The following ZNF365 variants were observed in gnomAD, a reference collection of about 807,000 sequenced individuals.
ZNF365 encodes zinc finger protein 365.
ZNF365 carries 22 observed loss-of-function variants against 35.0 expected under a neutral mutation model. The observed-to-expected ratio is 0.63, with a 90% CI of 0.45 to 0.90. The LOEUF (loss-of-function observed/expected upper bound fraction) is 0.90. Ranked by LOEUF, ZNF365 falls within the 40% of genes least tolerant of loss-of-function variation. The pLI, the probability that ZNF365 is intolerant of heterozygous loss-of-function variation, is 0.00. For synonymous variants in ZNF365, 188 were observed against 196.2 expected, an observed-to-expected ratio of 0.96 and a Z score of 0.35; for missense variants, 448 against 500.3, an observed-to-expected ratio of 0.90 and a Z score of 1.00.
At chr10:62,379,380 A>T (rs867453994) in intron 2 of ZNF365, among the ~76,000 whole-genome samples, 5 of 152,184 alleles carry the variant, frequency 3.3e-5, no homozygotes, top group African/African-American at 9.7e-5. Flanking sequence ...ATGATATTTT[A>T]AAAAAAGAAA....
chr10:62,399,857 A>G lies in ZNF365; in HGVS notation c.*68A>G. ...AACGTTGTTCCAGGAGCCAACAGTA[A>G]TGTCTTTCTGGAAACATTCCATAGT... is the stretch of plus-strand genomic sequence containing the variant. On this transcript the variant is annotated 3_prime_UTR_variant, in exon 5 of 5. Coordinates refer to ENST00000395254, the MANE Select transcript of ZNF365 (RefSeq NM_014951.3). The G allele has an allele frequency of 6.6e-7, 1 of 1,512,170 alleles. No individual in the cohort carries two copies. Among genetic ancestry groups the G allele is most frequent in the Non-Finnish European group, 8.9e-7 (1 of 1,128,986 alleles). 93.7% of individuals were successfully genotyped at this position (1,512,170 alleles called of 1,614,324 possible).
At chr10:62,471,007 TA>T (rs773906157) in intron 4 of ZNF365, among the ~76,000 whole-genome samples, 33 of 151,976 alleles carry the variant, frequency 2.2e-4, no homozygotes, top group Non-Finnish European at 4.1e-4. Context: ...TTTTTTACTT[TA>T]AAAATGTTTA....
intron 3 of ZNF365, among the ~76,000 whole-genome samples, chr10:62,394,901 G>A (rs950043068): frequency 6.6e-6 from 1 of 151,086 alleles, no homozygotes; most frequent in Non-Finnish European, 1.5e-5. Context: ...GGGAGATGAG[G>A]ATCTACACTG....
At chr10:62,387,262 G>C (rs1301224837) in intron 2 of ZNF365, among the ~76,000 whole-genome samples, 7 of 152,090 alleles carry the variant, frequency 4.6e-5, no homozygotes, top group African/African-American at 9.7e-5. Flanking sequence ...ATTGAGAGTT[G>C]AGAGCAAGGT....
rs1353002339 is a variant in ZNF365 at position 62,374,447 on chromosome 10, GCAA to G, written c.-21_-19del. 2.1e-5 allele frequency: 3 copies of G among 144,532 alleles called. No homozygotes were observed. The highest frequency in any genetic ancestry group is 1.5e-5 in the Non-Finnish European group (1 of 64,822). 9.0% of individuals were successfully genotyped at this position (144,532 alleles called of 1,614,324 possible). A position where few individuals can be genotyped will look rare whatever the true frequency, so the allele number is the denominator to read the frequency against. ...GGAGGCGGCGGCTGCAGCAGCAGCA[GCAA>G]CAAGTCGGGTAAGAGGCGGCCGCCG... is the stretch of plus-strand genomic sequence containing the variant. On this transcript the variant is annotated 5_prime_UTR_variant, in exon 1 of 5. Coordinates refer to ENST00000395254, the MANE Select transcript of ZNF365 (RefSeq NM_014951.3).
At chr10:62,417,439 C>T (rs1295196958) in intron 3 of ZNF365, among the ~76,000 whole-genome samples, 1 of 152,006 alleles carries the variant, frequency 6.6e-6, no homozygotes, top group Non-Finnish European at 1.5e-5. Context: ...GTGTTTGGTT[C>T]AGCTACAGTT....
intron 3 of ZNF365, among the ~76,000 whole-genome samples, chr10:62,445,334 C>T (rs916286708): frequency 1.3e-5 from 2 of 150,868 alleles, no homozygotes; most frequent in South Asian, 2.1e-4. Context: ...AGTTCTAGAT[C>T]CCTGAGGAAT....
At chr10:62,442,889 A>G (rs1467444731) in intron 3 of ZNF365, among the ~76,000 whole-genome samples, 1 of 152,164 alleles carries the variant, frequency 6.6e-6, no homozygotes, top group African/African-American at 2.4e-5. Flanking sequence ...TGCCCTGATA[A>G]CTTCCTTACC....
chr10:62,400,493 T>G lies in ZNF365; in HGVS notation c.*704T>G, dbSNP rs1167668545. ...TGCCGTCTTCTTTGGCTGAGTATTC[T>G]GCACCCACAGACCATGCTGCCAGCC... is the stretch of plus-strand genomic sequence containing the variant. On this transcript the variant is annotated 3_prime_UTR_variant, in exon 5 of 5. Coordinates refer to ENST00000395254, the MANE Select transcript of ZNF365 (RefSeq NM_014951.3). 2 of 985,940 alleles carry G rather than the reference T, an allele frequency of 2.0e-6. No individual in the cohort carries two copies. Among genetic ancestry groups the G allele is most frequent in the African/African-American group, 3.5e-5 (2 of 57,240 alleles). The allele number at this position is 985,940 out of a possible 1,614,324, so 61.1% of individuals were successfully genotyped here.
Position 62,401,974 on chromosome 10 carries a change from T to G in ZNF365, c.*2185T>G, listed in dbSNP as rs1199175864. On this transcript the variant is annotated 3_prime_UTR_variant, in exon 5 of 5. Coordinates refer to ENST00000395254, the MANE Select transcript of ZNF365 (RefSeq NM_014951.3). ...CCCATATAAAGAAATGTGTTATGTA[T>G]GTTGTGCCTCCTTAGAGACATAAAT... 3 of 985,464 alleles carry G rather than the reference T, an allele frequency of 3.0e-6. No individual in the cohort carries two copies. Among genetic ancestry groups the G allele is most frequent in the Non-Finnish European group, 3.6e-6 (3 of 829,918 alleles). The allele number at this position is 985,464 out of a possible 1,614,324, so 61.0% of individuals were successfully genotyped here.
At chr10:62,438,501 A>G (rs1380389076) in intron 3 of ZNF365, among the ~76,000 whole-genome samples, 3 of 152,094 alleles carry the variant, frequency 2.0e-5, no homozygotes, top group South Asian at 2.1e-4. Context: ...TAGAGTTTTT[A>G]TTGAAAGGGG....
At chr10:62,419,646 A>T (rs1840135305) in intron 3 of ZNF365, among the ~76,000 whole-genome samples, 1 of 152,122 alleles carries the variant, frequency 6.6e-6, no homozygotes, top group African/African-American at 2.4e-5. Context: ...TTGTTCAGTT[A>T]ATTTATAGCT....
rs139160955 is a variant in ZNF365, at chr10:62,467,523, C to T, written c.981+7726C>T. ...GCAAGATTGTCTTTTTTGGCAGACACGTATTCATCTGAGCACATTGAATGA... is the reference window on the plus strand; with the variant it reads ...GCAAGATTGTCTTTTTTGGCAGACATGTATTCATCTGAGCACATTGAATGA... On this transcript the variant is annotated intron_variant, in intron 4 of 4. Coordinates refer to the ZNF365 transcript ENST00000395255. 6.7e-4 allele frequency among the ~76,000 whole-genome samples: 102 copies of T among 152,252 alleles called. 1 individual carries two copies. The East Asian group carries it at 0.018, about 27-fold the overall frequency.
chr10:62,407,605 C>G (rs958598808), intron 3 of ZNF365, among the ~76,000 whole-genome samples: 6 of 148,282 alleles, frequency 4.0e-5, no homozygotes, highest in Admixed American at 2.0e-4. Flanking sequence ...CTCTCCTCTC[C>G]TCACTCGGTG....
chr10:62,437,744 C>T (rs1564589230), intron 3 of ZNF365, among the ~76,000 whole-genome samples: 1 of 152,176 alleles, frequency 6.6e-6, no homozygotes, highest in Non-Finnish European at 1.5e-5. Context: ...AATCTCCTGG[C>T]TTCTTTTCCT....
chr10:62,473,666 A>G (rs1366260272), intron 4 of ZNF365, among the ~76,000 whole-genome samples: 1 of 151,876 alleles, frequency 6.6e-6, no homozygotes, highest in East Asian at 1.9e-4. Context: ...TCTTAGAACC[A>G]TGCCTGGCAC....
At chr10:62,469,204 G>T (rs1313407650) in intron 4 of ZNF365, among the ~76,000 whole-genome samples, 1 of 152,134 alleles carries the variant, frequency 6.6e-6, no homozygotes, top group South Asian at 2.1e-4. Context: ...GTCAAACAAG[G>T]TTTTAGCAGA....
rs906269747 is a variant in ZNF365, at chr10:62,401,017, T to C, written c.*1228T>C. On this transcript the variant is annotated 3_prime_UTR_variant, in exon 5 of 5. Coordinates refer to ENST00000395254, the MANE Select transcript of ZNF365 (RefSeq NM_014951.3). ...CCTGCTGTATGATTTTCCTCAAGAA[T>C]GAATTTCCATGTTATTTTTTCCTTA... 8 of 985,440 alleles carry C rather than the reference T, an allele frequency of 8.1e-6. No individual in the cohort carries two copies. In the Admixed American group the frequency reaches 3.7e-4, roughly 45 times the overall value. 61.0% of individuals were successfully genotyped at this position (985,440 alleles called of 1,614,324 possible).
chr10:62,434,339 T>A (rs1258001230), intron 3 of ZNF365, among the ~76,000 whole-genome samples: 1 of 151,954 alleles, frequency 6.6e-6, no homozygotes, highest in Non-Finnish European at 1.5e-5. Flanking sequence ...AATCAACTGA[T>A]GGGTGGAGAG....
Sources: allele counts gnomAD v4.1 joint callset (sites outside exome capture counted in the v4.1 genomes callset), GRCh38; gene constraint gnomAD v4.1.1; transcripts MANE v1.5; gene names NCBI Gene and HGNC (gene_info 2026-07-23, HGNC 2026-07-21).